JAK1: variants seen among roughly 807,000 people sequenced by gnomAD.
JAK1 encodes Janus kinase 1.
In JAK1, 16 loss-of-function variants were observed where a neutral mutation model predicts 136.6. The ratio of observed to expected loss-of-function variants is 0.12; its 90% CI spans 0.08 to 0.18. JAK1 has a LOEUF of 0.18. Ranked by LOEUF, JAK1 falls within the 10% of genes least tolerant of loss-of-function variation. JAK1 has a pLI of 1.00. For synonymous variants in JAK1, 492 were observed against 519.5 expected (o/e 0.95, Z 0.72); for missense variants, 859 against 1,450.1 (o/e 0.59, Z 6.62).
chr1:64,886,404 C>T lies in JAK1; in HGVS notation c.-77-63G>A, dbSNP rs540962335. 5.5e-5 allele frequency: 50 copies of T among 905,844 alleles called. No individual in the cohort carries two copies. The African/African-American group carries it at 7.6e-4, about 14-fold the overall frequency. The allele number at this position is 905,844 out of a possible 1,614,324, so 56.1% of individuals were successfully genotyped here. Reference sequence around the variant, plus strand: ...GTAATTGCATCTGAAAATAAGAGGGCATTTTCATTAAGGAAGCAGCCCAAA... The same window carrying T: ...GTAATTGCATCTGAAAATAAGAGGGTATTTTCATTAAGGAAGCAGCCCAAA... On this transcript the variant is annotated intron_variant, in intron 1 of 24. Coordinates refer to ENST00000342505, the MANE Select transcript of JAK1 (RefSeq NM_002227.4).
chr1:65,036,382 C>G (rs1343833098), intron 2 of JAK1, among the ~76,000 whole-genome samples: 1 of 152,062 alleles, frequency 6.6e-6, no homozygotes, highest in African/African-American at 2.4e-5. Context: ...CTGCAGTGAA[C>G]TATGATAAAG....
intron 1 of JAK1, among the ~76,000 whole-genome samples, chr1:64,955,149 T>A (rs1011887894): frequency 8.5e-5 from 13 of 152,236 alleles, no homozygotes; most frequent in Admixed American, 3.9e-4. Flanking sequence ...GGATCTGTGT[T>A]TATTCAATAA....
intron 1 of JAK1, among the ~76,000 whole-genome samples, chr1:65,061,736 C>T (rs2100891624): frequency 6.6e-6 from 1 of 152,284 alleles, no homozygotes; most frequent in South Asian, 2.1e-4. Context: ...ACTGCTTTGT[C>T]ACAAGTACAC....
chr1:64,900,549 G>A lies in JAK1; in HGVS notation c.-77-14208C>T, dbSNP rs556480466. Among the ~76,000 whole-genome samples, 6 of 152,248 alleles carry A rather than the reference G, an allele frequency of 3.9e-5. No homozygotes were observed. The East Asian group carries it at 9.7e-4, about 25-fold the overall frequency. ...GAGATCTTGGAGTCCTAGGAACTGC[G>A]ACCATATCCACTTGGGGAGCAAGCC... On this transcript the variant is annotated intron_variant, in intron 1 of 24. Coordinates refer to ENST00000342505, the MANE Select transcript of JAK1 (RefSeq NM_002227.4).
At chr1:64,967,570 C>G (rs937024106), upstream of JAK1, among the ~76,000 whole-genome samples, 1 of 152,156 alleles carries the variant, frequency 6.6e-6, no homozygotes, top group Admixed American at 6.5e-5. Flanking sequence ...CAGAGGCTGC[C>G]CCACCTGTGC....
At chr1:65,020,641 A>G (rs1017228025) in intron 2 of JAK1, among the ~76,000 whole-genome samples, 1 of 152,332 alleles carries the variant, frequency 6.6e-6, no homozygotes, top group African/African-American at 2.4e-5. Flanking sequence ...ATATTCTTCA[A>G]AGAAACTTCA....
intron 1 of JAK1, among the ~76,000 whole-genome samples, chr1:64,958,070 AG>A (rs1646222663): frequency 6.6e-6 from 1 of 152,260 alleles, no homozygotes; most frequent in South Asian, 2.1e-4. Context: ...TCAACTAGCA[AG>A]GAACTTTTCT....
At chr1:65,065,064 T>C (rs1647981303) in intron 1 of JAK1, among the ~76,000 whole-genome samples, 1 of 152,184 alleles carries the variant, frequency 6.6e-6, no homozygotes. Context: ...CATGTCAAAG[T>C]TCATTGTGTT....
At chr1:65,067,433 C>T (rs908823028) in intron 1 of JAK1, among the ~76,000 whole-genome samples, 3 of 148,334 alleles carry the variant, frequency 2.0e-5, no homozygotes, top group East Asian at 3.9e-4. Context: ...GAGACGGGGC[C>T]GGGAGCGCAG....
chr1:64,878,559 G>GTGTGTATGTA (rs773289462), intron 4 of JAK1, among the ~76,000 whole-genome samples: 3 of 79,262 alleles, frequency 3.8e-5, no homozygotes, highest in Non-Finnish European at 7.4e-5. Context: ...TATATATAGT[G>GTGTGTATGTA]TGTATATATA....
intron 1 of JAK1, among the ~76,000 whole-genome samples, chr1:64,913,997 T>G (rs893726862): frequency 3.3e-5 from 5 of 152,176 alleles, no homozygotes; most frequent in Non-Finnish European, 7.4e-5. Flanking sequence ...GACATGGGGC[T>G]ACAGCAGTGG....
intron 20 of JAK1, among the ~76,000 whole-genome samples, chr1:64,838,822 C>T (rs1195098529): frequency 2.0e-5 from 3 of 152,176 alleles, no homozygotes; most frequent in African/African-American, 7.2e-5. Flanking sequence ...AGTCAGAGTG[C>T]TCTGTAAACC....
At chr1:64,868,940 C>T (rs1188005594) in intron 6 of JAK1, among the ~76,000 whole-genome samples, 1 of 152,008 alleles carries the variant, frequency 6.6e-6, no homozygotes, top group African/African-American at 2.4e-5. Flanking sequence ...GTAGTAGCTG[C>T]TTACAGAACT....
At chr1:64,935,094 C>T (rs1645764884) in intron 1 of JAK1, among the ~76,000 whole-genome samples, 1 of 152,142 alleles carries the variant, frequency 6.6e-6, no homozygotes, top group African/African-American at 2.4e-5. Flanking sequence ...TCCATTCTAG[C>T]CATGGGAACA....
intron 3 of JAK1, among the ~76,000 whole-genome samples, chr1:64,879,390 C>A (rs1054375498): frequency 3.3e-5 from 5 of 152,086 alleles, no homozygotes; most frequent in African/African-American, 1.2e-4. Flanking sequence ...AAATTTAGAT[C>A]ATTTAAAAAT....
chr1:64,871,792 C>G (rs1557652240), intron 5 of JAK1, among the ~76,000 whole-genome samples: 1 of 152,266 alleles, frequency 6.6e-6, no homozygotes, highest in Non-Finnish European at 1.5e-5. Context: ...CCAGCATTTT[C>G]TCTCCCAGGA....
chr1:64,963,873 G>A (rs1006020097), intron 1 of JAK1, among the ~76,000 whole-genome samples: 16 of 152,074 alleles, frequency 1.1e-4, no homozygotes, highest in Non-Finnish European at 2.2e-4. Context: ...TGTCTTGTGC[G>A]TTATAGGATG....
At chr1:64,884,346 G>A (rs1644821703) in intron 2 of JAK1, among the ~76,000 whole-genome samples, 1 of 152,098 alleles carries the variant, frequency 6.6e-6, no homozygotes, top group Non-Finnish European at 1.5e-5. Flanking sequence ...CAATACCAAT[G>A]GGCTACAAAC....
chr1:64,900,436 G>T (rs1213034049), intron 1 of JAK1, among the ~76,000 whole-genome samples: 4 of 145,958 alleles, frequency 2.7e-5, no homozygotes, highest in Non-Finnish European at 6.0e-5. Flanking sequence ...GTAAGCACAA[G>T]ACTTAAGCAT....
Sources: allele counts gnomAD v4.1 joint callset (sites outside exome capture counted in the v4.1 genomes callset), GRCh38; gene constraint gnomAD v4.1.1; transcripts MANE v1.5; gene names NCBI Gene and HGNC (gene_info 2026-07-23, HGNC 2026-07-21).